The following KIAA1549L variants were observed in gnomAD, a reference collection of about 807,000 sequenced individuals.
The protein encoded by KIAA1549L is UPF0606 protein KIAA1549L.
A neutral mutation model predicts 160.7 loss-of-function variants in KIAA1549L; 88 were observed. The observed-to-expected ratio is 0.55, with a 90% CI of 0.46 to 0.65. The LOEUF is 0.65. Among genes scored for constraint, KIAA1549L ranks in the 30% least tolerant of loss-of-function variants. The pLI is 0.00. For synonymous variants in KIAA1549L, 950 were observed against 976.7 expected, an observed-to-expected ratio of 0.97 and a Z score of 0.51; for missense variants, 2,258 against 2,437.5, an observed-to-expected ratio of 0.93 and a Z score of 1.55.
intron 1 of KIAA1549L, among the ~76,000 whole-genome samples, chr11:33,480,369 TC>T (rs1434738719): frequency 5.9e-5 from 9 of 152,196 alleles, no homozygotes; most frequent in Non-Finnish European, 4.4e-5. Context: ...AGAACTTCAT[TC>T]CTTTTTATGG....
intron 1 of KIAA1549L, among the ~76,000 whole-genome samples, chr11:33,405,506 T>C (rs962191135): frequency 8.3e-6 from 1 of 121,144 alleles, no homozygotes; most frequent in Non-Finnish European, 1.6e-5. Flanking sequence ...GTTATTTCCC[T>C]ACACTTTTTT....
At chr11:33,420,867 C>A (rs942409277) in intron 1 of KIAA1549L, among the ~76,000 whole-genome samples, 1 of 152,100 alleles carries the variant, frequency 6.6e-6, no homozygotes, top group Non-Finnish European at 1.5e-5. Flanking sequence ...GCAATCATCA[C>A]ATTTTTTCAT....
intron 1 of KIAA1549L, among the ~76,000 whole-genome samples, chr11:33,484,906 A>G (rs1852489315): frequency 6.6e-6 from 1 of 152,224 alleles, no homozygotes; most frequent in Non-Finnish European, 1.5e-5. Flanking sequence ...TTTAAAAGGC[A>G]CCATGCTGGT....
chr11:33,482,767 A>T (rs1452535895), intron 1 of KIAA1549L, among the ~76,000 whole-genome samples: 1 of 151,754 alleles, frequency 6.6e-6, no homozygotes, highest in African/African-American at 2.4e-5. Context: ...ATGGGGTTTC[A>T]TCATGTTGGC....
chr11:33,618,761 G>T, intron 16 of KIAA1549L, 99 bp downstream of exon 16: 8 of 1,168,236 alleles, frequency 6.8e-6, no homozygotes, highest in South Asian at 4.7e-5. Flanking sequence ...ACATATTTGT[G>T]GAATTTTAAA....
chr11:33,430,031 C>T (rs1422760064), intron 1 of KIAA1549L, among the ~76,000 whole-genome samples: 1 of 143,514 alleles, frequency 7.0e-6, no homozygotes, highest in Admixed American at 7.0e-5. Context: ...TCCTTCCTTC[C>T]TTCCTTCCTT....
rs566859376 is a variant in KIAA1549L at position 33,478,834 on chromosome 11, T to C, written c.239-62968T>C. Among the ~76,000 whole-genome samples, 30 of 152,322 alleles carry C rather than the reference T, an allele frequency of 2.0e-4. 3 individuals are homozygous for C. In the South Asian group the frequency reaches 5.8e-3, roughly 29 times the overall value. On this transcript the variant is annotated intron_variant, in intron 1 of 20. Transcript: ENST00000658780. ...TCACTGCAACCTCTGCCTTTCACCA[T>C]GTTGGCCAGGATGGTCTCGATCTCT...
rs189308308 is a variant in KIAA1549L at position 33,497,731 on chromosome 11, A to G, written c.239-44071A>G. On this transcript the variant is annotated intron_variant, in intron 1 of 20. Transcript: ENST00000658780. ...AAAACAAGGCAGTATTCTATCAGTA[A>G]AAACATTTTATATTTACTTAACCTT... Among the ~76,000 whole-genome samples, 490 of 152,350 alleles carry G rather than the reference A, an allele frequency of 3.2e-3. 6 individuals are homozygous for G. The highest frequency in any genetic ancestry group is 0.011 in the African/African-American group (442 of 41,582).
At position 33,398,654 on chromosome 11, in the gene KIAA1549L, A is replaced by G. The variant is rs1173219974; in HGVS notation, c.238+21765A>G. On this transcript the variant is annotated intron_variant, in intron 1 of 20. Transcript: ENST00000658780. ...ATTTTCGCTCACTCTTCTTCCATTC[A>G]TAACCTAGTTAGAAGAAGAAAAATC... Among the ~76,000 whole-genome samples the G allele has an allele frequency of 5.3e-5, 8 of 152,376 alleles. No individual in the cohort carries two copies. In the East Asian group the frequency reaches 1.3e-3, roughly 26 times the overall value.
At chr11:33,432,716 GTAC>G (rs982126353) in intron 1 of KIAA1549L, among the ~76,000 whole-genome samples, 71 of 152,244 alleles carry the variant, frequency 4.7e-4, no homozygotes, top group African/African-American at 1.6e-3. Context: ...AAACAGCATG[GTAC>G]TGGTACCAAA....
intron 6 of KIAA1549L, among the ~76,000 whole-genome samples, chr11:33,555,284 GT>G (rs944041268): frequency 5.9e-5 from 9 of 152,182 alleles, no homozygotes; most frequent in African/African-American, 2.2e-4. Flanking sequence ...CCCAGTGACT[GT>G]TTTTCACAGA....
chr11:33,610,560 G>A lies in KIAA1549L; in HGVS notation c.5279+594G>A, dbSNP rs78798659. ...ATTCAAATTCCTTCAACATTTAATT[G>A]TGGACAAGACAGTCCTATTGCTGCT... is the stretch of plus-strand genomic sequence containing the variant. On this transcript the variant is annotated intron_variant, in intron 15 of 20. Coordinates refer to ENST00000658780, the MANE Select transcript of KIAA1549L (RefSeq NM_012194.3). Among the ~76,000 whole-genome samples, 1,164 of 152,284 alleles carry A rather than the reference G, an allele frequency of 7.6e-3. 22 individuals carry two copies. Among genetic ancestry groups the A allele is most frequent in the African/African-American group, 0.026 (1,094 of 41,548 alleles).
At chr11:33,467,410 C>CAG (rs762894564) in intron 1 of KIAA1549L, among the ~76,000 whole-genome samples, 7 of 152,148 alleles carry the variant, frequency 4.6e-5, no homozygotes, top group Non-Finnish European at 8.8e-5. Flanking sequence ...GCACATCCAG[C>CAG]AGAGAGAGTG....
intron 1 of KIAA1549L, among the ~76,000 whole-genome samples, chr11:33,438,912 A>G (rs764745551): frequency 1.7e-4 from 25 of 151,504 alleles, no homozygotes; most frequent in Non-Finnish European, 3.2e-4. Context: ...TTGTCAGCCA[A>G]GTAAACTGAA....
intron 1 of KIAA1549L, among the ~76,000 whole-genome samples, chr11:33,482,536 G>A (rs750021189): frequency 2.7e-5 from 4 of 149,832 alleles, no homozygotes; most frequent in Non-Finnish European, 4.4e-5. Context: ...TAACAATTAC[G>A]TGTATCTAAG....
At chr11:33,619,303 C>G (rs2133351673) in intron 16 of KIAA1549L, among the ~76,000 whole-genome samples, 1 of 152,294 alleles carries the variant, frequency 6.6e-6, no homozygotes, top group Admixed American at 6.5e-5. Flanking sequence ...CTGAGAGGTA[C>G]AGTAATGCCT....
At chr11:33,484,984 T>C (rs892953632) in intron 1 of KIAA1549L, among the ~76,000 whole-genome samples, 14 of 152,226 alleles carry the variant, frequency 9.2e-5, no homozygotes, top group Non-Finnish European at 2.1e-4. Flanking sequence ...GGTTTCCTTT[T>C]TCATTTCCCT....
chr11:33,530,831 AATGCCACATCTTAGTGGAGATAAT>A (rs370173296), intron 1 of KIAA1549L, among the ~76,000 whole-genome samples: 1 of 152,150 alleles, frequency 6.6e-6, no homozygotes, highest in African/African-American at 2.4e-5. Flanking sequence ...AACAAATTAT[AATGCCACATCTTAGTGGAGATAAT>A]ATGCAACCTT....
At chr11:33,573,777 C>T (rs2133246155) in intron 9 of KIAA1549L, among the ~76,000 whole-genome samples, 1 of 152,242 alleles carries the variant, frequency 6.6e-6, no homozygotes, top group East Asian at 1.9e-4. Flanking sequence ...ATTTACCAGG[C>T]ATGCGTACTG....
Sources: allele counts gnomAD v4.1 joint callset (sites outside exome capture counted in the v4.1 genomes callset), GRCh38; gene constraint gnomAD v4.1.1; transcripts MANE v1.5; gene names NCBI Gene and HGNC (gene_info 2026-07-23, HGNC 2026-07-21).